The following BRMS1L variants were observed in gnomAD, a reference collection of about 807,000 sequenced individuals.
The protein encoded by BRMS1L is BRMS1 like transcriptional repressor.
A neutral mutation model predicts 50.3 loss-of-function variants in BRMS1L; 23 were observed. That is an observed-to-expected ratio of 0.46 (90% confidence interval 0.33 to 0.65). The LOEUF (loss-of-function observed/expected upper bound fraction) is 0.65, where lower values mean the gene tolerates loss of function less well. Among genes scored for constraint, BRMS1L ranks in the 30% least tolerant of loss-of-function variants. The pLI is 0.02. For missense variants in BRMS1L, 286 were observed against 386.1 expected, an observed-to-expected ratio of 0.74 and a Z score of 2.17; for synonymous variants, 114 against 126.9, an observed-to-expected ratio of 0.90 and a Z score of 0.69.
Position 35,870,342 on chromosome 14 carries a change from T to A in BRMS1L, c.855-18T>A, listed in dbSNP as rs774417056. 20 of 1,119,454 alleles carry A rather than the reference T, an allele frequency of 1.8e-5. No individual in the cohort carries two copies. The highest frequency in any genetic ancestry group is 2.0e-5 in the Non-Finnish European group (16 of 806,788). 69.3% of individuals were successfully genotyped at this position (1,119,454 alleles called of 1,614,324 possible). On this transcript the variant is annotated intron_variant, in intron 9 of 9. Transcript: ENST00000216807. ...GACATTGTAATTCATTCATTCATTC[T>A]TTTTTTTTTCTTTTTAGTGCTGTAA...
In BRMS1L at chr14:35,867,956, A is replaced by AG. The variant is rs1182245618; in HGVS notation, c.779dup (p.Leu261ThrfsTer4). On this transcript the variant is annotated frameshift_variant, in exon 9 of 10. Transcript: ENST00000216807. LOFTEE classifies it high-confidence loss of function. ...GCACAGTGCTAGATCTGAAGAGGGA[A>AG]GACTATATTATGATGGTGAATGGTA... 6.2e-7 allele frequency: 1 copy of AG among 1,612,648 alleles called. No individual in the cohort carries two copies. The highest frequency in any genetic ancestry group is 8.5e-7 in the Non-Finnish European group (1 of 1,179,474).
chr14:35,865,469 A>G (rs892057069), intron 7 of BRMS1L, among the ~76,000 whole-genome samples: 3 of 151,900 alleles, frequency 2.0e-5, no homozygotes, highest in Non-Finnish European at 2.9e-5. Context: ...ACATTTTTTC[A>G]TTTTTGTAAA....
At chr14:35,847,414 T>C (rs2078150149) in intron 4 of BRMS1L, among the ~76,000 whole-genome samples, 1 of 152,180 alleles carries the variant, frequency 6.6e-6, no homozygotes, top group Non-Finnish European at 1.5e-5. Flanking sequence ...ATCCTGCACC[T>C]CAGTCTCCCA....
intron 4 of BRMS1L, among the ~76,000 whole-genome samples, chr14:35,850,794 T>C (rs964992105): frequency 2.0e-5 from 3 of 152,226 alleles, no homozygotes; most frequent in Non-Finnish European, 4.4e-5. Flanking sequence ...CTTTTGCATG[T>C]GGATATCCAA....
chr14:35,850,319 T>G (rs2078194345), intron 4 of BRMS1L, among the ~76,000 whole-genome samples: 1 of 151,532 alleles, frequency 6.6e-6, no homozygotes, highest in African/African-American at 2.4e-5. Context: ...GCGATTCCCC[T>G]GCCTCAGCCT....
At chr14:35,835,382 T>G (rs546239922) in intron 4 of BRMS1L, among the ~76,000 whole-genome samples, 2 of 152,348 alleles carry the variant, frequency 1.3e-5, no homozygotes, top group East Asian at 3.9e-4. Context: ...ATATTCTGTT[T>G]ATTTTGCATT....
At chr14:35,845,603 T>C (rs1187205417) in intron 4 of BRMS1L, among the ~76,000 whole-genome samples, 1 of 152,268 alleles carries the variant, frequency 6.6e-6, no homozygotes, top group African/African-American at 2.4e-5. Flanking sequence ...TCAATTCTCA[T>C]ACTGTCTTTT....
intron 4 of BRMS1L, among the ~76,000 whole-genome samples, chr14:35,857,237 T>C (rs2078291848): frequency 7.3e-6 from 1 of 137,302 alleles, no homozygotes; most frequent in Non-Finnish European, 1.5e-5. Context: ...CAAGACTCCG[T>C]CTCAAAAAAA....
intron 2 of BRMS1L, among the ~76,000 whole-genome samples, chr14:35,832,468 T>C (rs1211058059): frequency 6.7e-6 from 1 of 149,186 alleles, no homozygotes; most frequent in Non-Finnish European, 1.5e-5. Flanking sequence ...ATTGCGCCAC[T>C]GCACTCCAGC....
intron 4 of BRMS1L, among the ~76,000 whole-genome samples, chr14:35,849,250 T>TC (rs1261567371): frequency 6.6e-6 from 1 of 152,214 alleles, no homozygotes; most frequent in Non-Finnish European, 1.5e-5. Flanking sequence ...GGCTCCTTTT[T>TC]CTGCACATTC....
intron 4 of BRMS1L, among the ~76,000 whole-genome samples, chr14:35,854,014 A>G (rs995395599): frequency 1.3e-5 from 2 of 152,192 alleles, no homozygotes; most frequent in Admixed American, 6.5e-5. Context: ...CTCTAACTCC[A>G]GTTATTCCCT....
chr14:35,840,615 G>A (rs931503384), intron 4 of BRMS1L, among the ~76,000 whole-genome samples: 4 of 152,052 alleles, frequency 2.6e-5, no homozygotes, highest in African/African-American at 4.8e-5. Context: ...TGTGTGTTCC[G>A]GAATTTATCC....
intron 4 of BRMS1L, among the ~76,000 whole-genome samples, chr14:35,842,761 C>T (rs1319174053): frequency 1.3e-5 from 2 of 152,150 alleles, no homozygotes; most frequent in Admixed American, 1.3e-4. Context: ...GGATAATATC[C>T]TGAAGAGTTT....
chr14:35,856,384 T>TGGTA (rs1393722742), intron 4 of BRMS1L, among the ~76,000 whole-genome samples: 3 of 152,282 alleles, frequency 2.0e-5, no homozygotes, highest in Non-Finnish European at 4.4e-5. Flanking sequence ...TGACGGCAGG[T>TGGTA]GGTAGCAAGG....
At chr14:35,830,801 C>T (rs2077909328) in intron 1 of BRMS1L, among the ~76,000 whole-genome samples, 1 of 152,150 alleles carries the variant, frequency 6.6e-6, no homozygotes, top group Non-Finnish European at 1.5e-5. Flanking sequence ...GGAAAACAAA[C>T]CAAATGTGGG....
chr14:35,826,354 A>T lies in BRMS1L; in HGVS notation c.-163A>T. 9.8e-7 allele frequency: 1 copy of T among 1,025,366 alleles called. No homozygotes were observed. Among genetic ancestry groups the T allele is most frequent in the Non-Finnish European group, 1.4e-6 (1 of 715,112 alleles). 63.5% of individuals were successfully genotyped at this position (1,025,366 alleles called of 1,614,324 possible). On this transcript the variant is annotated 5_prime_UTR_variant, in exon 1 of 10. Transcript: ENST00000216807. The stretch of plus-strand genomic sequence containing the variant: ...GCCAATGGCAGAGCTCCCATCGCAG[A>T]GCCTGCGGGTTAGGTTGTGAGGCCC...
rs555049279 is a variant in BRMS1L, at chr14:35,864,882, A to G, written c.623-53A>G. 8.2e-6 allele frequency: 10 copies of G among 1,220,534 alleles called. No individual in the cohort carries two copies. In the Admixed American group the frequency reaches 1.1e-4, roughly 13 times the overall value. The allele number at this position is 1,220,534 out of a possible 1,614,324, so 75.6% of individuals were successfully genotyped here. A position where few individuals can be genotyped will look rare whatever the true frequency, so the allele number is the denominator to read the frequency against. On this transcript the variant is annotated intron_variant, in intron 6 of 9. Coordinates refer to ENST00000216807, the MANE Select transcript of BRMS1L (RefSeq NM_032352.4). ...TTTTCTGAAATGTAGTACTTTGGAAATATAATTCAAAGTGTGATATTCTTA... is the reference window on the plus strand; with the variant it reads ...TTTTCTGAAATGTAGTACTTTGGAAGTATAATTCAAAGTGTGATATTCTTA...
At chr14:35,859,764 CT>C (rs1555315473) in intron 4 of BRMS1L, among the ~76,000 whole-genome samples, 1 of 152,180 alleles carries the variant, frequency 6.6e-6, no homozygotes, top group Non-Finnish European at 1.5e-5. Flanking sequence ...ATCCTCCTGC[CT>C]CAGTTGCCTG....
chr14:35,835,673 C>T (rs879508807), intron 4 of BRMS1L, among the ~76,000 whole-genome samples: 4 of 152,086 alleles, frequency 2.6e-5, no homozygotes, highest in Non-Finnish European at 4.4e-5. Flanking sequence ...TGAGACCCCC[C>T]ACCTCTACAA....
Sources: gnomAD v4.1 joint callset for allele counts (sites outside exome capture counted in the v4.1 genomes callset) on GRCh38, gnomAD v4.1.1 for gene constraint, MANE v1.5 for transcripts, NCBI Gene and HGNC (gene_info 2026-07-23, HGNC 2026-07-21) for gene names.